RYR2: variants seen among roughly 807,000 people sequenced by gnomAD.
RYR2 encodes the protein ryanodine receptor 2, also known as cardiac muscle ryanodine receptor-calcium release channel.
A neutral mutation model predicts 601.1 loss-of-function variants in RYR2; 227 were observed. The observed-to-expected ratio is 0.38, with a 90% CI of 0.34 to 0.42. RYR2 has a LOEUF of 0.42. Ranked by LOEUF, RYR2 falls within the 10% of genes least tolerant of loss-of-function variation. RYR2 has a pLI of 1.00. For synonymous variants in RYR2, 2,223 were observed against 2,175.1 expected (o/e 1.02, Z -0.61); for missense variants, 4,646 against 6,156.5 (o/e 0.75, Z 8.21).
At chr1:237,639,963 A>G (rs577249266) in intron 46 of RYR2, among the ~76,000 whole-genome samples, 6 of 152,258 alleles carry the variant, frequency 3.9e-5, no homozygotes, top group African/African-American at 9.6e-5. Context: ...CATGTACACC[A>G]TAGCCGGATT....
At chr1:237,706,284 GAGTC>G (rs972554816) in intron 67 of RYR2, among the ~76,000 whole-genome samples, 14 of 152,088 alleles carry the variant, frequency 9.2e-5, no homozygotes, top group African/African-American at 3.4e-4. Flanking sequence ...AAGGAGAAGA[GAGTC>G]AGTAAGGACA....
intron 84 of RYR2, among the ~76,000 whole-genome samples, chr1:237,762,880 C>A (rs1171742666): frequency 2.0e-5 from 3 of 151,982 alleles, no homozygotes; most frequent in Non-Finnish European, 4.4e-5. Flanking sequence ...AATGTACTAC[C>A]CTCCCTTCCT....
chr1:237,675,405 G>T (rs1045606175), intron 60 of RYR2, among the ~76,000 whole-genome samples: 28 of 152,152 alleles, frequency 1.8e-4, no homozygotes, highest in Non-Finnish European at 7.4e-5. Flanking sequence ...CACAGATGAT[G>T]AAAGCAGCCT....
At position 237,833,259 on chromosome 1, in the gene RYR2, A is replaced by T. The variant is rs1664009912; in HGVS notation, c.*612A>T. On this transcript the variant is annotated 3_prime_UTR_variant, in exon 105 of 105. Transcript: ENST00000366574. ...CTTTTCTTTAGTGGGGGAGGGTAAGAAAAGCAGTTTGCACTTAAAAAGAAA... is the reference window on the plus strand; with the variant it reads ...CTTTTCTTTAGTGGGGGAGGGTAAGTAAAGCAGTTTGCACTTAAAAAGAAA... 1.4e-5 allele frequency: 2 copies of T among 142,240 alleles called. No homozygotes were observed. The highest frequency in any genetic ancestry group is 1.4e-4 in the Admixed American group (2 of 14,358). 8.8% of individuals were successfully genotyped at this position (142,240 alleles called of 1,614,324 possible).
At chr1:237,603,129 T>C (rs1676694542) in intron 35 of RYR2, among the ~76,000 whole-genome samples, 1 of 152,148 alleles carries the variant, frequency 6.6e-6, no homozygotes, top group African/African-American at 2.4e-5. Flanking sequence ...TCTCTTAAGG[T>C]AGCCAAATGC....
At chr1:237,221,216 G>A (rs935012888) in intron 1 of RYR2, among the ~76,000 whole-genome samples, 5 of 152,194 alleles carry the variant, frequency 3.3e-5, no homozygotes, top group Admixed American at 6.5e-5. Context: ...AATCCATTTC[G>A]TTCCTGGAAT....
intron 14 of RYR2, 72 bp from the exon 15 acceptor site, chr1:237,454,319 A>G (rs1471579329): frequency 2.0e-6 from 3 of 1,464,068 alleles, no homozygotes; most frequent in Admixed American, 4.5e-5. Context: ...AATGCCTGAA[A>G]TCATCTATAA....
At chr1:237,771,204 C>T (rs1694244368) in intron 85 of RYR2, among the ~76,000 whole-genome samples, 1 of 151,850 alleles carries the variant, frequency 6.6e-6, no homozygotes, top group Admixed American at 6.6e-5. Flanking sequence ...ACCTAGGAGT[C>T]CCAATATCAG....
At chr1:237,792,384 T>TGC (rs1411920073) in intron 94 of RYR2, 61 bp downstream of exon 94, 655 of 617,364 alleles carry the variant, frequency 1.1e-3, no homozygotes, top group South Asian at 6.5e-3. Flanking sequence ...TGTGTGTGCG[T>TGC]GTGTGTGTGT....
At chr1:237,362,904 A>G (rs1299307780) in intron 4 of RYR2, among the ~76,000 whole-genome samples, 1 of 152,062 alleles carries the variant, frequency 6.6e-6, no homozygotes, top group Non-Finnish European at 1.5e-5. Flanking sequence ...TCCTCTGTGT[A>G]TTATTCTTCC....
chr1:237,195,935 G>A (rs1436033304), intron 1 of RYR2, among the ~76,000 whole-genome samples: 1 of 152,150 alleles, frequency 6.6e-6, no homozygotes, highest in African/African-American at 2.4e-5. Context: ...TATGAGAAAG[G>A]TGCTTTATAA....
At chr1:237,698,930 AG>A in intron 63 of RYR2, 34 bp from the exon 64 acceptor site, 1 of 1,257,726 alleles carries the variant, frequency 8.0e-7, no homozygotes, top group Non-Finnish European at 1.1e-6. Flanking sequence ...AGAAATTCTC[AG>A]GGCAATTTAT....
intron 50 of RYR2, among the ~76,000 whole-genome samples, chr1:237,650,626 C>T (rs746493280): frequency 2.6e-5 from 4 of 152,144 alleles, no homozygotes; most frequent in South Asian, 2.1e-4. Context: ...AAACCAGAAA[C>T]GTATCTCCCC....
intron 25 of RYR2, among the ~76,000 whole-genome samples, chr1:237,547,198 G>C (rs911534874): frequency 1.3e-4 from 19 of 151,480 alleles, no homozygotes; most frequent in African/African-American, 4.6e-4. Flanking sequence ...TAGAGACTGG[G>C]TTTCACCATG....
At chr1:237,258,187 A>C (rs1688176146) in intron 1 of RYR2, among the ~76,000 whole-genome samples, 1 of 151,528 alleles carries the variant, frequency 6.6e-6, no homozygotes, top group African/African-American at 2.4e-5. Flanking sequence ...AAAAAAAAGA[A>C]AGAAAAAGAA....
chr1:237,174,022 A>T (rs950700676), intron 1 of RYR2, among the ~76,000 whole-genome samples: 1 of 151,860 alleles, frequency 6.6e-6, no homozygotes, highest in African/African-American at 2.4e-5. Context: ...TTGCCACTGC[A>T]CTCCAGCCTG....
At chr1:237,821,167 G>A (rs1284710207) in intron 101 of RYR2, among the ~76,000 whole-genome samples, 2 of 152,276 alleles carry the variant, frequency 1.3e-5, no homozygotes, top group East Asian at 1.9e-4. Context: ...CACAGTGTTC[G>A]AGCTCTAATA....
intron 62 of RYR2, among the ~76,000 whole-genome samples, chr1:237,683,936 T>TTCG (rs1686125518): frequency 6.6e-6 from 1 of 151,428 alleles, no homozygotes; most frequent in African/African-American, 2.4e-5. Flanking sequence ...TTTCTTCTTC[T>TTCG]TCTTCTTTTG....
rs191634221 is a variant in RYR2 at position 237,557,715 on chromosome 1, A to T, written c.3214+7024A>T. Among the ~76,000 whole-genome samples the T allele has an allele frequency of 2.6e-5, 4 of 152,234 alleles. No individual in the cohort carries two copies. The East Asian group carries it at 7.7e-4, about 29-fold the overall frequency. ...GACCTTGTCTTTGGCAATACTGTGA[A>T]CAGAAAAAATTATTTGGCATTTAGA... On this transcript the variant is annotated intron_variant, in intron 27 of 104. Coordinates refer to ENST00000366574, the MANE Select transcript of RYR2 (RefSeq NM_001035.3).
Sources: gnomAD v4.1 joint callset for allele counts (sites outside exome capture counted in the v4.1 genomes callset) on GRCh38, gnomAD v4.1.1 for gene constraint, MANE v1.5 for transcripts, NCBI Gene and HGNC (gene_info 2026-07-23, HGNC 2026-07-21) for gene names.